The following FOXN1 variants were observed in gnomAD, a reference collection of about 807,000 sequenced individuals.
FOXN1 encodes the protein forkhead box protein N1.
FOXN1 carries 15 observed loss-of-function variants against 49.0 expected under a neutral mutation model. That is an observed-to-expected ratio of 0.31 (90% CI 0.20 to 0.47). The LOEUF (loss-of-function observed/expected upper bound fraction) is 0.47. Ranked by LOEUF, FOXN1 falls within the 20% of genes least tolerant of loss-of-function variation. The pLI is 1.00. For missense variants in FOXN1, 800 were observed against 842.8 expected (o/e 0.95, Z 0.63); for synonymous variants, 356 against 369.0 (o/e 0.96, Z 0.40).
intron 3 of FOXN1, among the ~76,000 whole-genome samples, chr17:28,525,683 TA>T (rs1353045716): frequency 6.6e-6 from 1 of 152,074 alleles, no homozygotes; most frequent in Non-Finnish European, 1.5e-5. Context: ...TGAGTGGGCG[TA>T]GCCTCAGCAG....
intron 1 of FOXN1, among the ~76,000 whole-genome samples, chr17:28,509,637 G>A (rs544954323): frequency 6.6e-5 from 10 of 152,340 alleles, no homozygotes; most frequent in Admixed American, 2.6e-4. Context: ...TATCTGGGCC[G>A]TAAAGGCTGG....
Position 28,537,559 on chromosome 17 carries a change from C to T in FOXN1, c.*123C>T. 2.6e-6 allele frequency: 2 copies of T among 772,068 alleles called. No homozygotes were observed. Among genetic ancestry groups the T allele is most frequent in the Non-Finnish European group, 4.5e-6 (2 of 448,298 alleles). The allele number at this position is 772,068 out of a possible 1,614,324, so 47.8% of individuals were successfully genotyped here. On this transcript the variant is annotated 3_prime_UTR_variant, in exon 9 of 9. Coordinates refer to ENST00000579795, the MANE Select transcript of FOXN1 (RefSeq NM_001369369.1). ...ACTACCTGTCCCCTATGCCACTAAG[C>T]CAACGTGTGTGTCAGCTGGTAGCTG...
chr17:28,509,497 C>T (rs1161430989), intron 1 of FOXN1, among the ~76,000 whole-genome samples: 1 of 152,356 alleles, frequency 6.6e-6, no homozygotes, highest in African/African-American at 2.4e-5. Context: ...ACACCCCTCA[C>T]CAGCATCCCC....
chr17:28,520,795 G>A (rs1419509797), intron 1 of FOXN1, among the ~76,000 whole-genome samples: 1 of 152,198 alleles, frequency 6.6e-6, no homozygotes, highest in Non-Finnish European at 1.5e-5. Context: ...GGTGGTGCAG[G>A]CCTGAGCTGG....
Position 28,534,783 on chromosome 17 carries a change from G to A in FOXN1, c.1212G>A (p.Leu404=). 4 of 1,613,656 alleles carry A rather than the reference G, an allele frequency of 2.5e-6. No individual in the cohort carries two copies. Among genetic ancestry groups the A allele is most frequent in the Non-Finnish European group, 3.4e-6 (4 of 1,179,742 alleles). The change falls in exon 8 of 9, where the codon CTG becomes CTA. Residue 404 remains leucine, a synonymous_variant. Coordinates refer to ENST00000579795, the MANE Select transcript of FOXN1 (RefSeq NM_001369369.1). This position sits in a 1 kb window ranked among gnomAD's most constrained non-coding sequence, Gnocchi z 4.1. ...TCCTGGGCTGTCCGCCCCCTGGGCT[G>A]TCCGGCTCAGGCCCCATCCGGCCCC... ...SPLLGCPPPG[L]SGSGPIRPLA... is the part of the protein sequence containing the mutation.
In FOXN1 at chr17:28,524,520, C is replaced by G; in HGVS notation, c.141C>G (p.Ser47Arg). ...CTACCCAGAAGCATGCCGGCTTCAG[C>G]TGCTCGTCATTTGTGTCCGACGGCC... ...PAPQSKHAGF[S>R]CSSFVSDGPP... Residue 47 changes from serine to arginine, a missense_variant, in exon 3 of 9, where the codon AGC (serine) becomes AGG (arginine). Coordinates refer to ENST00000579795, the MANE Select transcript of FOXN1 (RefSeq NM_001369369.1). The G allele has an allele frequency of 6.2e-7, 1 of 1,613,780 alleles. No homozygotes were observed. Among genetic ancestry groups the G allele is most frequent in the Non-Finnish European group, 8.5e-7 (1 of 1,180,012 alleles).
intron 1 of FOXN1, among the ~76,000 whole-genome samples, chr17:28,523,015 C>T (rs542236657): frequency 4.6e-4 from 70 of 152,326 alleles, no homozygotes; most frequent in South Asian, 1.9e-3. Flanking sequence ...TAGATGATGA[C>T]GCTGAAGTTC....
In FOXN1 at chr17:28,537,121, C is replaced by G. The variant is rs758240885; in HGVS notation, c.1632C>G (p.Asn544Lys). 1.6e-5 allele frequency: 26 copies of G among 1,613,618 alleles called. No individual in the cohort carries two copies. The highest frequency in any genetic ancestry group is 2.2e-5 in the Non-Finnish European group (26 of 1,179,636). Residue 544 changes from asparagine to lysine, a missense_variant, in exon 9 of 9, where the codon AAC (asparagine) becomes AAG (lysine). Coordinates refer to ENST00000579795, the MANE Select transcript of FOXN1 (RefSeq NM_001369369.1). ...GTTCTCTCCTTCCCCATCTAGGAAA[C>G]CTGTGGGAACAGTTGAAGGATGATA... ...PSLTDFDFQGNLWEQLKDDSL... is the reference protein window; with the variant it reads ...PSLTDFDFQGKLWEQLKDDSL...
intron 1 of FOXN1, among the ~76,000 whole-genome samples, chr17:28,509,949 A>T (rs1555606724): frequency 6.6e-6 from 1 of 152,184 alleles, no homozygotes; most frequent in Non-Finnish European, 1.5e-5. Flanking sequence ...TAGTCAGCTC[A>T]GATTAATGGG....
Position 28,529,215 on chromosome 17 carries a change from A to C in FOXN1, c.821A>C (p.Tyr274Ser). The C allele has an allele frequency of 6.2e-7, 1 of 1,614,106 alleles. No homozygotes were observed. Among genetic ancestry groups the C allele is most frequent in the Non-Finnish European group, 8.5e-7 (1 of 1,179,998 alleles). ...CAGCCTCTCTTCCCAAAACCCATCT[A>C]TTCCTACAGGTACATTTCCCACTCT... ...GHQPLFPKPI[Y>S]SYSILIFMAL... Residue 274 changes from tyrosine to serine, a missense_variant, in exon 5 of 9, where the codon TAT (tyrosine) becomes TCT (serine). By Grantham distance (144) the Tyr-to-Ser change is moderately radical (BLOSUM62 -2). Transcript: ENST00000579795.
At chr17:28,515,344 C>T (rs1244887616) in intron 1 of FOXN1, among the ~76,000 whole-genome samples, 2 of 151,400 alleles carry the variant, frequency 1.3e-5, no homozygotes, top group Non-Finnish European at 3.0e-5. Context: ...AGGGTACACA[C>T]CTCCACAGAG....
At chr17:28,508,367 C>T (rs2069311110) in intron 1 of FOXN1, among the ~76,000 whole-genome samples, 1 of 152,224 alleles carries the variant, frequency 6.6e-6, no homozygotes, top group African/African-American at 2.4e-5. Context: ...AAGTTAAAGA[C>T]AAGGGGGAAA....
In FOXN1 at chr17:28,529,012, G is replaced by A. The variant is rs1017158524; in HGVS notation, c.700-82G>A. ...AGAATCTGGCCTGAGCCCCTTCTCT[G>A]GATGTATATAAATGGGGAGGAGGGC... On this transcript the variant is annotated intron_variant, in intron 4 of 8. Transcript: ENST00000579795. The A allele has an allele frequency of 5.1e-6, 8 of 1,573,500 alleles. No homozygotes were observed. The African/African-American group carries it at 1.1e-4, about 21-fold the overall frequency.
At position 28,535,154 on chromosome 17, in the gene FOXN1, AC is replaced by A. The variant is rs1161194345; in HGVS notation, c.1585del (p.Leu529TrpfsTer21). The part of the protein sequence containing the change: ...TLLPDGDLGT[D>X]LDAINPSLTD... ...CTGCCAGATGGAGACCTTGGCACTG[AC>A]CTGGATGCCATCAATCCCTCACTCA... On this transcript the variant is annotated frameshift_variant, in exon 8 of 9. Transcript: ENST00000579795. LOFTEE classifies it high-confidence loss of function. 6.2e-7 allele frequency: 1 copy of A among 1,613,194 alleles called. No homozygotes were observed. Among genetic ancestry groups the A allele is most frequent in the African/African-American group, 1.3e-5 (1 of 74,940 alleles).
rs781127331 is a variant in FOXN1, at chr17:28,524,753, C to G, written c.374C>G (p.Pro125Arg). Residue 125 changes from proline to arginine, a missense_variant, in exon 3 of 9, where the codon CCG (proline) becomes CGG (arginine). Around this residue, in one of 3 missense-constraint regions of FOXN1, gnomAD observed 383 missense variants for 357.9 expected, o/e 1.07. Coordinates refer to ENST00000579795, the MANE Select transcript of FOXN1 (RefSeq NM_001369369.1). ...AAGGGCAGCCACGCGCCCTTCCACC[C>G]GTACAAGCGGCCTTTCCATGAGGAC... ...FLKGSHAPFH[P>R]YKRPFHEDVF... 4 of 1,613,268 alleles carry G rather than the reference C, an allele frequency of 2.5e-6. No individual in the cohort carries two copies. The Middle Eastern group carries it at 4.9e-4, about 200-fold the overall frequency.
rs2070129694 is a variant in FOXN1 at position 28,538,586 on chromosome 17, C to T, written c.*1150C>T. ...GTTACTTCCAACTGTCTCAGGCAAC[C>T]TGGGCATTCAGGAGAAAAGCCTGGC... is the stretch of plus-strand genomic sequence containing the variant. On this transcript the variant is annotated 3_prime_UTR_variant, in exon 9 of 9. Transcript: ENST00000579795. 1 of 152,230 alleles carries T rather than the reference C, an allele frequency of 6.6e-6. No individual in the cohort carries two copies. Among genetic ancestry groups the T allele is most frequent in the Non-Finnish European group, 1.5e-5 (1 of 68,036 alleles). The allele number at this position is 152,230 out of a possible 1,614,324, so 9.4% of individuals were successfully genotyped here.
chr17:28,514,460 G>A (rs2069452631), intron 1 of FOXN1, among the ~76,000 whole-genome samples: 1 of 150,022 alleles, frequency 6.7e-6, no homozygotes, highest in Admixed American at 6.6e-5. Flanking sequence ...TGGGGAGAAA[G>A]GAGCTAGAAA....
In FOXN1 at chr17:28,534,959, C is replaced by T. The variant is rs1328052776; in HGVS notation, c.1388C>T (p.Ala463Val). The T allele has an allele frequency of 6.2e-7, 1 of 1,614,090 alleles. No individual in the cohort carries two copies. The highest frequency in any genetic ancestry group is 8.5e-7 in the Non-Finnish European group (1 of 1,179,992). Residue 463 changes from alanine (A) to valine (V), a missense_variant, in exon 8 of 9, where the codon GCC becomes GTC. Ala to Val is a moderately conservative substitution (Grantham distance 64). Transcript: ENST00000579795. The surrounding 1 kb of genome is among the most constrained non-coding windows in gnomAD (Gnocchi z 4.1). ...QTYLHLSPGL[A>V]PPGPPQPLFP... ...TACTTGCACCTCTCACCAGGCCTGG[C>T]CCCTCCTGGACCCCCGCAGCCATTG...
At chr17:28,530,122 G>A (rs935796889) in intron 5 of FOXN1, among the ~76,000 whole-genome samples, 7 of 151,880 alleles carry the variant, frequency 4.6e-5, no homozygotes, top group Non-Finnish European at 1.0e-4. Flanking sequence ...ACCATAGCAC[G>A]GGTATACCTA....
Sources: allele counts gnomAD v4.1 joint callset (sites outside exome capture counted in the v4.1 genomes callset), GRCh38; gene constraint gnomAD v4.1.1; regional missense constraint gnomAD v4.1.1; non-coding constraint Gnocchi (gnomAD v3.1); transcripts MANE v1.5; gene names NCBI Gene and HGNC (gene_info 2026-07-23, HGNC 2026-07-21).